SMYD3: variants seen among roughly 807,000 people sequenced by gnomAD.
The protein encoded by SMYD3 is histone-lysine N-methyltransferase SMYD3.
A neutral mutation model predicts 57.7 loss-of-function variants in SMYD3; 36 were observed. The observed-to-expected ratio is 0.62, with a 90% CI of 0.48 to 0.82. The LOEUF (loss-of-function observed/expected upper bound fraction) is 0.82, where lower values mean the gene tolerates loss of function less well. Among genes scored for constraint, SMYD3 ranks in the 40% least tolerant of loss-of-function variants. The pLI, the probability that SMYD3 is intolerant of heterozygous loss-of-function variation, is 0.00. For missense variants in SMYD3, 515 were observed against 538.8 expected (o/e 0.96, Z 0.44); for synonymous variants, 211 against 195.0 (o/e 1.08, Z -0.68).
Position 245,821,727 on chromosome 1 carries a change from G to T in SMYD3, c.1076+36769C>A, listed in dbSNP as rs549280097. Among the ~76,000 whole-genome samples the T allele has an allele frequency of 1.7e-4, 26 of 152,056 alleles. No individual in the cohort carries two copies. The East Asian group carries it at 4.6e-3, about 27-fold the overall frequency. On this transcript the variant is annotated intron_variant, in intron 10 of 11. Coordinates refer to ENST00000490107, the MANE Select transcript of SMYD3 (RefSeq NM_001167740.2). ...AAAAAACAAACAACACCATCAAAAA[G>T]TGGGCAAAGGACATGAACAGACACT...
At chr1:245,805,069 G>A (rs762505546) in intron 10 of SMYD3, among the ~76,000 whole-genome samples, 11 of 151,748 alleles carry the variant, frequency 7.2e-5, no homozygotes, top group South Asian at 2.1e-4. Context: ...AAGTACATGC[G>A]TTCAAGGCCC....
At position 246,245,999 on chromosome 1, in the gene SMYD3, G is replaced by T. The variant is rs1254050562; in HGVS notation, c.531+81202C>A. On this transcript the variant is annotated intron_variant, in intron 5 of 11. Coordinates refer to ENST00000490107, the MANE Select transcript of SMYD3 (RefSeq NM_001167740.2). ...ATTTGTTTTTGGTGACAGTGGTGAT[G>T]AAATCATTTATTTACTTATTTTTCA... Among the ~76,000 whole-genome samples, 14 of 152,164 alleles carry T rather than the reference G, an allele frequency of 9.2e-5. 1 individual carries two copies.
chr1:246,039,687 G>C (rs1243331946), intron 5 of SMYD3, among the ~76,000 whole-genome samples: 2 of 152,182 alleles, frequency 1.3e-5, no homozygotes, highest in Non-Finnish European at 2.9e-5. Context: ...GTTTAGTTGA[G>C]CCACAAGATG....
intron 1 of SMYD3, among the ~76,000 whole-genome samples, chr1:246,404,005 C>T (rs1312622143): frequency 2.6e-5 from 4 of 152,176 alleles, no homozygotes; most frequent in Non-Finnish European, 4.4e-5. Flanking sequence ...TGCTGCTCTA[C>T]ATAGGACACA....
At chr1:246,157,115 G>A (rs1239927466) in intron 5 of SMYD3, among the ~76,000 whole-genome samples, 2 of 152,216 alleles carry the variant, frequency 1.3e-5, no homozygotes, top group South Asian at 4.1e-4. Flanking sequence ...AATGAGTAGC[G>A]AAGTCTGGGA....
chr1:246,087,330 C>A (rs759579487), intron 5 of SMYD3, among the ~76,000 whole-genome samples: 1 of 152,170 alleles, frequency 6.6e-6, no homozygotes, highest in African/African-American at 2.4e-5. Context: ...GACATAAGTT[C>A]CATGAAGCCA....
intron 8 of SMYD3, among the ~76,000 whole-genome samples, chr1:245,894,391 AC>A (rs972249680): frequency 6.6e-6 from 1 of 151,948 alleles, no homozygotes; most frequent in African/African-American, 2.4e-5. Context: ...AAACCTGGCC[AC>A]CCCAACCAGC....
intron 5 of SMYD3, among the ~76,000 whole-genome samples, chr1:246,297,123 C>T (rs1433173429): frequency 6.6e-6 from 1 of 152,086 alleles, no homozygotes; most frequent in Non-Finnish European, 1.5e-5. Flanking sequence ...AAAATTTACT[C>T]ATTCACAATT....
intron 2 of SMYD3, among the ~76,000 whole-genome samples, chr1:246,344,176 CCCA>C (rs2065675403): frequency 6.6e-6 from 1 of 152,058 alleles, no homozygotes; most frequent in Admixed American, 6.6e-5. Flanking sequence ...TGCCACCACA[CCCA>C]GCTTTGATAA....
intron 5 of SMYD3, among the ~76,000 whole-genome samples, chr1:245,979,964 C>T (rs1315834807): frequency 1.3e-5 from 2 of 152,230 alleles, no homozygotes; most frequent in African/African-American, 4.8e-5. Context: ...GCAGCTTCTG[C>T]GTCAGACACC....
chr1:246,235,245 A>G (rs1466368913), intron 5 of SMYD3, among the ~76,000 whole-genome samples: 3 of 152,220 alleles, frequency 2.0e-5, no homozygotes, highest in Non-Finnish European at 2.9e-5. Flanking sequence ...CATAAATCCT[A>G]CATTAGTTTC....
chr1:246,387,410 A>T (rs2148762704), intron 1 of SMYD3, among the ~76,000 whole-genome samples: 1 of 152,364 alleles, frequency 6.6e-6, no homozygotes, highest in South Asian at 2.1e-4. Context: ...CCTCAACGGC[A>T]TTTAAAGTGA....
intron 1 of SMYD3, among the ~76,000 whole-genome samples, chr1:246,476,122 C>A (rs2068027867): frequency 1.3e-5 from 2 of 152,144 alleles, no homozygotes; most frequent in Non-Finnish European, 2.9e-5. Flanking sequence ...ACATTTTATT[C>A]TATAATTACA....
intron 5 of SMYD3, among the ~76,000 whole-genome samples, chr1:246,266,884 T>C (rs1302310640): frequency 1.3e-5 from 2 of 151,282 alleles, no homozygotes; most frequent in African/African-American, 4.9e-5. Flanking sequence ...GAAAAGAATA[T>C]GATCCCAAGT....
At chr1:246,502,049 C>CA (rs1367605141) in intron 1 of SMYD3, among the ~76,000 whole-genome samples, 1 of 152,054 alleles carries the variant, frequency 6.6e-6, no homozygotes, top group Admixed American at 6.6e-5. Context: ...GGCCAAGAGA[C>CA]ATTCCATCAT....
At chr1:245,949,439 C>T (rs900483932) in intron 5 of SMYD3, among the ~76,000 whole-genome samples, 2 of 151,938 alleles carry the variant, frequency 1.3e-5, no homozygotes, top group East Asian at 1.9e-4. Flanking sequence ...CCACGGATGC[C>T]GATACAGCCA....
At chr1:245,892,399 C>G (rs1168715933) in intron 8 of SMYD3, among the ~76,000 whole-genome samples, 1 of 152,210 alleles carries the variant, frequency 6.6e-6, no homozygotes, top group Non-Finnish European at 1.5e-5. Flanking sequence ...TTAGAGTATT[C>G]TCATTTTACA....
At chr1:245,802,890 G>C (rs920838764) in intron 10 of SMYD3, among the ~76,000 whole-genome samples, 3 of 152,190 alleles carry the variant, frequency 2.0e-5, no homozygotes, top group African/African-American at 7.2e-5. Context: ...TTGAGGGGCT[G>C]CCATCAGATC....
chr1:246,385,798 T>C (rs2066467413), intron 1 of SMYD3, among the ~76,000 whole-genome samples: 1 of 152,036 alleles, frequency 6.6e-6, no homozygotes, highest in South Asian at 2.1e-4. Flanking sequence ...ACTCAGTAGG[T>C]CTGAAAGTGG....
Sources: allele counts gnomAD v4.1 joint callset (sites outside exome capture counted in the v4.1 genomes callset), GRCh38; gene constraint gnomAD v4.1.1; transcripts MANE v1.5; gene names NCBI Gene and HGNC (gene_info 2026-07-23, HGNC 2026-07-21).